The following ACER3 variants were observed in gnomAD, a reference collection of about 807,000 sequenced individuals.
ACER3 encodes alkaline ceramidase 3, also known as alkCDase 3.
ACER3 carries 16 observed loss-of-function variants against 48.9 expected under a neutral mutation model. The ratio of observed to expected loss-of-function variants is 0.33; its 90% CI spans 0.22 to 0.50. ACER3 has a LOEUF of 0.50. Among genes scored for constraint, ACER3 ranks in the 20% least tolerant of loss-of-function variants. The probability of loss-of-function intolerance (pLI) is 0.98; values close to 1 mark genes in which losing one functional copy is unlikely to be tolerated. For missense variants in ACER3, 227 were observed against 326.0 expected, an observed-to-expected ratio of 0.70 and a Z score of 2.34; for synonymous variants, 109 against 107.8, an observed-to-expected ratio of 1.01 and a Z score of -0.07.
intron 1 of ACER3, among the ~76,000 whole-genome samples, chr11:76,899,911 T>C (rs1441632901): frequency 6.6e-6 from 1 of 152,186 alleles, no homozygotes; most frequent in African/African-American, 2.4e-5. Flanking sequence ...GCCTAATTAC[T>C]AATAGCTTAC....
At chr11:76,990,619 T>C in intron 6 of ACER3, 45 bp downstream of exon 6, 1 of 1,179,912 alleles carries the variant, frequency 8.5e-7, no homozygotes, top group Non-Finnish European at 1.2e-6. Context: ...TTACGATACA[T>C]GGCTGCTTTG....
intron 2 of ACER3, 126 bp downstream of exon 2, chr11:76,926,793 G>T: frequency 1.7e-6 from 1 of 573,232 alleles, no homozygotes. Context: ...AAACTTCTTA[G>T]TTAAAACTCC....
intron 3 of ACER3, among the ~76,000 whole-genome samples, chr11:76,969,277 T>C (rs1361261211): frequency 1.3e-5 from 2 of 152,128 alleles, no homozygotes; most frequent in Admixed American, 1.3e-4. Context: ...ATGGTGATCA[T>C]TAAAAAGTCA....
chr11:76,975,861 C>CTT (rs11431680), intron 3 of ACER3, among the ~76,000 whole-genome samples: 3 of 140,524 alleles, frequency 2.1e-5, no homozygotes, highest in African/African-American at 5.4e-5. Flanking sequence ...GAGCTGAAAC[C>CTT]TTTTTTTCTT....
At chr11:76,862,648 T>G (rs558994794) in intron 1 of ACER3, among the ~76,000 whole-genome samples, 6 of 147,524 alleles carry the variant, frequency 4.1e-5, no homozygotes, top group African/African-American at 1.5e-4. Flanking sequence ...TATAGAATAA[T>G]TTTTTTTTAA....
At chr11:76,869,790 G>T (rs532052836) in intron 1 of ACER3, among the ~76,000 whole-genome samples, 28 of 152,240 alleles carry the variant, frequency 1.8e-4, no homozygotes, top group African/African-American at 4.8e-4. Context: ...TGTCCTCAAG[G>T]TTCATCCATG....
Position 77,021,587 on chromosome 11 carries a change from T to C in ACER3, c.*1260T>C, listed in dbSNP as rs527652711. On this transcript the variant is annotated 3_prime_UTR_variant, in exon 11 of 11. Transcript: ENST00000532485. Reference sequence around the variant, plus strand: ...TTTGTAGCTCTGCATCATTTAGCATTTTTATGACTTTTTTTGCTTTATATA... The same window carrying C: ...TTTGTAGCTCTGCATCATTTAGCATCTTTATGACTTTTTTTGCTTTATATA... 2 of 152,342 alleles carry C rather than the reference T, an allele frequency of 1.3e-5. No individual in the cohort carries two copies. Among genetic ancestry groups the C allele is most frequent in the South Asian group, 4.1e-4 (2 of 4,824 alleles). The allele number at this position is 152,342 out of a possible 1,614,324, so 9.4% of individuals were successfully genotyped here.
At chr11:77,005,278 G>A (rs979453124) in intron 7 of ACER3, among the ~76,000 whole-genome samples, 3 of 151,952 alleles carry the variant, frequency 2.0e-5, no homozygotes, top group African/African-American at 7.2e-5. Context: ...CTTGTGATCC[G>A]CTGGCCGTTA....
intron 2 of ACER3, among the ~76,000 whole-genome samples, chr11:76,942,595 G>A (rs1282320065): frequency 1.3e-5 from 2 of 151,960 alleles, no homozygotes; most frequent in African/African-American, 4.8e-5. Context: ...TTAGTATTTT[G>A]TTGAGGTTTT....
At chr11:76,913,780 G>A (rs1180345421) in intron 1 of ACER3, among the ~76,000 whole-genome samples, 2 of 152,078 alleles carry the variant, frequency 1.3e-5, no homozygotes, top group Non-Finnish European at 2.9e-5. Context: ...GAGGCATCAC[G>A]CTACCTGACT....
At chr11:76,971,704 A>G (rs4944132) in intron 3 of ACER3, among the ~76,000 whole-genome samples, 108,070 of 152,014 alleles carry the variant, frequency 0.71, 38,823 homozygotes, top group Non-Finnish European at 0.77. Context: ...CTTGGAGCTT[A>G]GCAAAACAGG....
chr11:76,930,130 C>T (rs573759517), intron 2 of ACER3, among the ~76,000 whole-genome samples: 2 of 152,100 alleles, frequency 1.3e-5, no homozygotes, highest in East Asian at 1.9e-4. Flanking sequence ...GCTATTATTG[C>T]GTCAATTTCA....
At chr11:76,941,470 A>G (rs1041667449) in intron 2 of ACER3, among the ~76,000 whole-genome samples, 1 of 152,024 alleles carries the variant, frequency 6.6e-6, no homozygotes, top group African/African-American at 2.4e-5. Flanking sequence ...TAATTAGATA[A>G]TTTTAATTTT....
chr11:76,996,718 C>A (rs36104625), intron 6 of ACER3, among the ~76,000 whole-genome samples: 1 of 143,548 alleles, frequency 7.0e-6, no homozygotes, highest in Admixed American at 7.0e-5. Flanking sequence ...CCCCACCCAG[C>A]CTTTTTTTTT....
intron 2 of ACER3, among the ~76,000 whole-genome samples, chr11:76,939,069 T>A (rs548755623): frequency 1.3e-5 from 2 of 151,938 alleles, no homozygotes; most frequent in East Asian, 3.9e-4. Context: ...AGTAATAGAT[T>A]TTAACATGTG....
chr11:76,950,455 T>C (rs1947632720), intron 2 of ACER3, among the ~76,000 whole-genome samples: 1 of 140,950 alleles, frequency 7.1e-6, no homozygotes, highest in African/African-American at 2.5e-5. Flanking sequence ...TATCTATATT[T>C]ATATCTAAAT....
chr11:76,959,151 C>G (rs1315797338), intron 3 of ACER3, 120 bp downstream of exon 3: 1 of 1,553,268 alleles, frequency 6.4e-7, no homozygotes, highest in Non-Finnish European at 8.7e-7. Flanking sequence ...GAGTTTTTTA[C>G]TTCAAGTCTG....
chr11:76,923,684 G>GGT (rs1277110157), intron 1 of ACER3, among the ~76,000 whole-genome samples: 2 of 152,116 alleles, frequency 1.3e-5, no homozygotes, highest in African/African-American at 4.8e-5. Context: ...TGATTTGTTA[G>GGT]GTGTGTCTGG....
chr11:76,915,130 A>G (rs1946490030), intron 1 of ACER3, among the ~76,000 whole-genome samples: 1 of 152,134 alleles, frequency 6.6e-6, no homozygotes, highest in Admixed American at 6.5e-5. Context: ...TGGCACATGT[A>G]TACATATGTA....
Sources: allele counts gnomAD v4.1 joint callset (sites outside exome capture counted in the v4.1 genomes callset), GRCh38; gene constraint gnomAD v4.1.1; transcripts MANE v1.5; gene names NCBI Gene and HGNC (gene_info 2026-07-23, HGNC 2026-07-21).